CREB5: variants seen among roughly 807,000 people sequenced by gnomAD.
CREB5 encodes the protein cyclic AMP-responsive element-binding protein 5.
CREB5 carries 19 observed loss-of-function variants against 57.1 expected under a neutral mutation model. That is an observed-to-expected ratio of 0.33 (90% CI 0.23 to 0.49). The LOEUF is 0.49. Among genes scored for constraint, CREB5 ranks in the 20% least tolerant of loss-of-function variants. The pLI, the probability that CREB5 is intolerant of heterozygous loss-of-function variation, is 0.99. For synonymous variants in CREB5, 238 were observed against 238.3 expected (o/e 1.00, Z 0.01); for missense variants, 579 against 671.6 (o/e 0.86, Z 1.52).
At chr7:28,758,766 C>T (rs1321740204) in intron 7 of CREB5, among the ~76,000 whole-genome samples, 8 of 152,168 alleles carry the variant, frequency 5.3e-5, no homozygotes, top group Admixed American at 2.6e-4. Context: ...AACCCAAAGT[C>T]GAGCACAAAG....
rs554780552 is a variant in CREB5 at position 28,631,170 on chromosome 7, G to C, written c.464+60633G>C. 9.2e-5 allele frequency among the ~76,000 whole-genome samples: 14 copies of C among 152,250 alleles called. 1 individual carries two copies. The highest frequency in any genetic ancestry group is 3.4e-4 in the African/African-American group (14 of 41,532). ...ATTGATTCTTCTTCTCTGTGACAAAGATTTCAGGGATGTTGATTCCTAATC... is the reference window on the plus strand; with the variant it reads ...ATTGATTCTTCTTCTCTGTGACAAACATTTCAGGGATGTTGATTCCTAATC... On this transcript the variant is annotated intron_variant, in intron 5 of 10. Coordinates refer to ENST00000357727, the MANE Select transcript of CREB5 (RefSeq NM_182898.4).
chr7:28,378,513 A>C (rs1247559481), intron 1 of CREB5, among the ~76,000 whole-genome samples: 1 of 152,152 alleles, frequency 6.6e-6, no homozygotes, highest in Non-Finnish European at 1.5e-5. Context: ...TTTTATGTTT[A>C]TTCCTCTTAA....
chr7:28,523,044 G>T (rs1256906947), intron 4 of CREB5, among the ~76,000 whole-genome samples: 3 of 152,122 alleles, frequency 2.0e-5, no homozygotes, highest in Non-Finnish European at 1.5e-5. Flanking sequence ...ATGAACATTT[G>T]GTGAGTGAAG....
At chr7:28,521,244 A>G (rs1170168566) in intron 4 of CREB5, among the ~76,000 whole-genome samples, 1 of 152,228 alleles carries the variant, frequency 6.6e-6, no homozygotes, top group Non-Finnish European at 1.5e-5. Context: ...AAACATCTCA[A>G]TTAGAGTTTC....
At position 28,788,214 on chromosome 7, in the gene CREB5, T is replaced by C. The variant is rs549814205; in HGVS notation, c.703-15985T>C. On this transcript the variant is annotated intron_variant, in intron 7 of 10. Coordinates refer to ENST00000357727, the MANE Select transcript of CREB5 (RefSeq NM_182898.4). ...CATTGTAGAATGTTGTTTAGCAGTG[T>C]CCCTACCCACTAGATGCCAGTATCA... Among the ~76,000 whole-genome samples, 21 of 152,076 alleles carry C rather than the reference T, an allele frequency of 1.4e-4. No individual in the cohort carries two copies. The South Asian group carries it at 4.4e-3, about 32-fold the overall frequency.
At chr7:28,319,352 C>A (rs1240562436) in intron 1 of CREB5, among the ~76,000 whole-genome samples, 6 of 152,182 alleles carry the variant, frequency 3.9e-5, no homozygotes, top group Non-Finnish European at 1.5e-5. Flanking sequence ...ACATAGAATA[C>A]CTTTGCCCAT....
chr7:28,398,991 C>T (rs1787392329), intron 1 of CREB5, among the ~76,000 whole-genome samples: 1 of 152,184 alleles, frequency 6.6e-6, no homozygotes, highest in Non-Finnish European at 1.5e-5. Flanking sequence ...GCTGGGATTA[C>T]AAGCATGAGC....
intron 7 of CREB5, among the ~76,000 whole-genome samples, chr7:28,801,934 A>G (rs1482353513): frequency 6.6e-6 from 1 of 151,830 alleles, no homozygotes; most frequent in African/African-American, 2.4e-5. Flanking sequence ...AAAATACAAA[A>G]ATTAGCTGGG....
intron 7 of CREB5, among the ~76,000 whole-genome samples, chr7:28,747,248 TACAC>T (rs569493241): frequency 4.7e-4 from 72 of 152,332 alleles, no homozygotes; most frequent in African/African-American, 1.3e-3. Context: ...TGTGTGCAAA[TACAC>T]ACACAGCACC....
intron 5 of CREB5, among the ~76,000 whole-genome samples, chr7:28,605,533 G>A (rs1797095922): frequency 6.6e-6 from 1 of 152,000 alleles, no homozygotes; most frequent in East Asian, 1.9e-4. Context: ...TATCTTTTTG[G>A]GGAAACCCAA....
chr7:28,310,014 G>A (rs183225177), intron 1 of CREB5, among the ~76,000 whole-genome samples: 76 of 152,318 alleles, frequency 5.0e-4, no homozygotes, highest in African/African-American at 1.8e-3. Context: ...GGATGAAAGG[G>A]TTCATGGAGT....
chr7:28,384,496 C>G (rs1787042974), intron 1 of CREB5, among the ~76,000 whole-genome samples: 1 of 151,960 alleles, frequency 6.6e-6, no homozygotes, highest in Middle Eastern at 3.2e-3. Context: ...CTCAGATAAC[C>G]TGGCACAAAC....
chr7:28,808,068 C>T (rs902033266), intron 8 of CREB5, among the ~76,000 whole-genome samples: 9 of 152,190 alleles, frequency 5.9e-5, no homozygotes, highest in African/African-American at 1.9e-4. Flanking sequence ...TCTAATGTAA[C>T]TGTATGGTAA....
intron 5 of CREB5, among the ~76,000 whole-genome samples, chr7:28,718,290 C>T (rs1021646510): frequency 1.3e-5 from 2 of 152,248 alleles, no homozygotes; most frequent in Non-Finnish European, 2.9e-5. Flanking sequence ...ATGAAGTTTG[C>T]TCTGAAAATC....
chr7:28,781,903 A>C (rs1273571531), intron 7 of CREB5, among the ~76,000 whole-genome samples: 1 of 151,762 alleles, frequency 6.6e-6, no homozygotes, highest in Non-Finnish European at 1.5e-5. Flanking sequence ...ATGTTGCTGA[A>C]TACAAATATT....
At chr7:28,449,451 G>A (rs989274039) in intron 1 of CREB5, among the ~76,000 whole-genome samples, 3 of 152,034 alleles carry the variant, frequency 2.0e-5, no homozygotes, top group South Asian at 2.1e-4. Context: ...ACTTTCCATC[G>A]TTTTGCGTAA....
At chr7:28,467,220 G>C (rs1790620817) in intron 1 of CREB5, among the ~76,000 whole-genome samples, 1 of 151,670 alleles carries the variant, frequency 6.6e-6, no homozygotes, top group Non-Finnish European at 1.5e-5. Context: ...GGGAAGAGAG[G>C]AGAAGAGAAT....
At position 28,774,909 on chromosome 7, in the gene CREB5, G is replaced by A. The variant is rs539290164; in HGVS notation, c.703-29290G>A. The stretch of plus-strand genomic sequence containing the variant: ...CTCAGGCAACAACTTAATACTTGTG[G>A]ATAAAATTATTCTCCCACCATCTCC... On this transcript the variant is annotated intron_variant, in intron 7 of 10. Transcript: ENST00000357727. Among the ~76,000 whole-genome samples, 7 of 152,296 alleles carry A rather than the reference G, an allele frequency of 4.6e-5. No individual in the cohort carries two copies. The East Asian group carries it at 1.4e-3, about 29-fold the overall frequency.
At chr7:28,625,612 T>C (rs1346359127) in intron 5 of CREB5, among the ~76,000 whole-genome samples, 1 of 152,200 alleles carries the variant, frequency 6.6e-6, no homozygotes, top group Non-Finnish European at 1.5e-5. Flanking sequence ...CTGAATTCCA[T>C]ACAGCCAAGG....
Sources: allele counts gnomAD v4.1 joint callset (sites outside exome capture counted in the v4.1 genomes callset), GRCh38; gene constraint gnomAD v4.1.1; transcripts MANE v1.5; gene names NCBI Gene and HGNC (gene_info 2026-07-23, HGNC 2026-07-21).